The following SPATA31C2 variants were observed in gnomAD, a reference collection of about 807,000 sequenced individuals.
SPATA31C2 encodes the protein spermatogenesis-associated protein 31C2.
In SPATA31C2, 5 loss-of-function variants were observed where a neutral mutation model predicts 11.4. The ratio of observed to expected loss-of-function variants is 0.44; its 90% confidence interval spans 0.23 to 0.92. SPATA31C2 has a LOEUF of 0.92. Among genes scored for constraint, SPATA31C2 ranks in the 40% least tolerant of loss-of-function variants. SPATA31C2 has a pLI of 0.24. For missense variants in SPATA31C2, 1,353 were observed against 1,368.6 expected (o/e 0.99, Z 0.18); for synonymous variants, 515 against 538.7 (o/e 0.96, Z 0.61).
rs747838608 is a variant in SPATA31C2, at chr9:88,130,611, C to G, written c.2426G>C (p.Gly809Ala). The G allele has an allele frequency of 1.1e-5, 17 of 1,613,642 alleles. No individual in the cohort carries two copies. Among genetic ancestry groups the G allele is most frequent in the Non-Finnish European group, 1.4e-5 (17 of 1,179,776 alleles). Residue 809 changes from glycine (G) to alanine (A), a missense_variant, in exon 4 of 4, where the codon GGA (glycine) becomes GCA (alanine). Physicochemically the swap from Gly to Ala is moderately conservative, Grantham distance 60 (BLOSUM62 0). This residue lies in a region of SPATA31C2 where 1,075 missense variants were observed against 992.8 expected (regional missense o/e 1.08). Transcript: ENST00000324915. ...TTGGAGGTTTGCTCTCATACAGGTT[C>G]CCAAGGGGACTGTGGGTTGTGGCAC... is the stretch of plus-strand genomic sequence containing the variant. ...EAVPQPTVPL[G>A]TCMRANLQAT...
At chr9:88,138,215 GAA>G in intron 1 of SPATA31C2, 41 bp downstream of exon 1, 1 of 567,022 alleles carries the variant, frequency 1.8e-6, no homozygotes, top group Non-Finnish European at 2.6e-6. Flanking sequence ...TAAAAAGAAA[GAA>G]GAGAATCAAG....
At chr9:88,133,128 G>A (rs936017371) in intron 2 of SPATA31C2, 102 bp from the exon 3 acceptor site, 3 of 921,092 alleles carry the variant, frequency 3.3e-6, no homozygotes, top group East Asian at 1.0e-4. Context: ...ATTAGACCCT[G>A]GAACCCACCC....
rs1350704974 is a variant in SPATA31C2, at chr9:88,132,462, G to T, written c.575C>A (p.Pro192Gln). ...TTCTAGGAGAAGGGAAGGTTCTGGT[G>T]GCTGGGAGGCACTTAGGGAGGAGAC... ...TSVSSLSASQ[P>Q]PEPSLLLEHP... Residue 192 changes from proline (P) to glutamine (Q), a missense_variant, in exon 4 of 4, where the codon CCA (proline) becomes CAA (glutamine). By Grantham distance (76) the Pro-to-Gln change is moderately conservative. This residue lies in a region of SPATA31C2 where 1,075 missense variants were observed against 992.8 expected (regional missense o/e 1.08). Coordinates refer to ENST00000324915, the MANE Select transcript of SPATA31C2 (RefSeq NM_001350978.3). 1 of 1,611,310 alleles carries T rather than the reference G, an allele frequency of 6.2e-7. No individual in the cohort carries two copies. The highest frequency in any genetic ancestry group is 1.7e-5 in the Admixed American group (1 of 59,860).
rs868625401 is a variant in SPATA31C2, at chr9:88,135,955, A to G, written c.190-2286T>C. On this transcript the variant is annotated intron_variant, in intron 1 of 3. Coordinates refer to ENST00000324915, the MANE Select transcript of SPATA31C2 (RefSeq NM_001350978.3). ...CCTGCAGTTTTCCTTTCTTTTTGAG[A>G]TGGAGTCTCACTCTGTTGCCCAGGC... Among the ~76,000 whole-genome samples the G allele has an allele frequency of 8.6e-3, 1,166 of 136,158 alleles. 8 individuals are homozygous for G. Among genetic ancestry groups the G allele is most frequent in the Admixed American group, 0.051 (669 of 13,200 alleles). 89.3% of individuals were successfully genotyped at this position (136,158 alleles called of 152,430 possible). A position where few individuals can be genotyped will look rare whatever the true frequency, so the allele number is the denominator to read the frequency against.
At chr9:88,134,567 G>GA (rs1825654316) in intron 1 of SPATA31C2, among the ~76,000 whole-genome samples, 1 of 143,636 alleles carries the variant, frequency 7.0e-6, no homozygotes, top group Admixed American at 7.4e-5. Flanking sequence ...CAGATGGACT[G>GA]AGAGCTTGGG....
intron 1 of SPATA31C2, among the ~76,000 whole-genome samples, chr9:88,134,405 C>G (rs1037735751): frequency 2.4e-3 from 356 of 149,752 alleles, no homozygotes; most frequent in African/African-American, 8.3e-3. Context: ...GCCACCTGCC[C>G]CAGGAAGGGA....
In SPATA31C2 at chr9:88,129,790, G is replaced by A. The variant is rs761491683; in HGVS notation, c.3247C>T (p.Gln1083Ter). The A allele has an allele frequency of 2.9e-5, 46 of 1,604,168 alleles. No homozygotes were observed. Among genetic ancestry groups the A allele is most frequent in the Admixed American group, 1.2e-4 (7 of 59,568 alleles). Residue 1083 changes from glutamine (Q) to a stop codon, truncating the protein, a stop_gained, in exon 4 of 4, where the codon CAG becomes TAG. Coordinates refer to ENST00000324915, the MANE Select transcript of SPATA31C2 (RefSeq NM_001350978.3). LOFTEE classifies it low-confidence loss of function (END_TRUNC). Reference sequence around the variant, plus strand: ...CCACAGACTGGGGCTTGAAACTGCTGTCTTTGCTGATTTACCTTCGAGGCA... The same window carrying A: ...CCACAGACTGGGGCTTGAAACTGCTATCTTTGCTGATTTACCTTCGAGGCA... Reference protein sequence around the residue: ...RHASKVNQQRQQFQAPVCGFP... With the variant: ...RHASKVNQQR
Position 88,130,810 on chromosome 9 carries a change from T to C in SPATA31C2, c.2227A>G (p.Arg743Gly), listed in dbSNP as rs1825577175. The C allele has an allele frequency of 6.2e-7, 1 of 1,612,846 alleles. No homozygotes were observed. The highest frequency in any genetic ancestry group is 8.5e-7 in the Non-Finnish European group (1 of 1,179,882). ...ASSPACKQFQ[R>G]APRGIPSSND... ...GAAGATGGGATCCCTCGCGGGGCCC[T>C]CTGGAACTGCTTACATGCAGGTGAG... is the stretch of plus-strand genomic sequence containing the variant. The change falls in exon 4 of 4, where the codon AGG (arginine) becomes GGG (glycine). Residue 743 changes from arginine (R) to glycine (G), a missense_variant. Arg to Gly is a moderately radical substitution (Grantham distance 125). This residue lies in a region of SPATA31C2 where 1,075 missense variants were observed against 992.8 expected (regional missense o/e 1.08). Coordinates refer to ENST00000324915, the MANE Select transcript of SPATA31C2 (RefSeq NM_001350978.3).
rs1424563546 is a variant in SPATA31C2, at chr9:88,130,513, C to G, written c.2524G>C (p.Val842Leu). 40 of 1,613,300 alleles carry G rather than the reference C, an allele frequency of 2.5e-5. No individual in the cohort carries two copies. Among genetic ancestry groups the G allele is most frequent in the Non-Finnish European group, 3.3e-5 (39 of 1,179,616 alleles). Residue 842 changes from valine to leucine, a missense_variant, in exon 4 of 4, where the codon GTC becomes CTC. Val to Leu is a conservative substitution (Grantham distance 32). This residue lies in a region of SPATA31C2 where 1,075 missense variants were observed against 992.8 expected (regional missense o/e 1.08). Coordinates refer to ENST00000324915, the MANE Select transcript of SPATA31C2 (RefSeq NM_001350978.3). ...SKSSLLPRMS[V>L]SQDPRKLCLM... ...CACAGCTTTCTTGGGTCTTGGGAGACAGACATTCTAGGGAGTAGAGAGCTT... is the reference window on the plus strand; with the variant it reads ...CACAGCTTTCTTGGGTCTTGGGAGAGAGACATTCTAGGGAGTAGAGAGCTT...
Position 88,131,277 on chromosome 9 carries a change from G to T in SPATA31C2, c.1760C>A (p.Thr587Asn), listed in dbSNP as rs759849601. ...ACTCACGGGGATCAAGCCCTCGTTGGTCTGGCCCAACTTTCTGCTCATGTG... is the reference window on the plus strand; with the variant it reads ...ACTCACGGGGATCAAGCCCTCGTTGTTCTGGCCCAACTTTCTGCTCATGTG... ...KAHMSRKLGQ[T>N]NEGLIPVSVR... The change falls in exon 4 of 4, where the codon ACC becomes AAC. Residue 587 changes from threonine to asparagine, a missense_variant. Coordinates refer to ENST00000324915, the MANE Select transcript of SPATA31C2 (RefSeq NM_001350978.3). 1.9e-6 allele frequency: 3 copies of T among 1,611,858 alleles called. No homozygotes were observed. The highest frequency in any genetic ancestry group is 1.7e-5 in the Admixed American group (1 of 59,998).
intron 1 of SPATA31C2, among the ~76,000 whole-genome samples, chr9:88,134,246 AC>A (rs1370696666): frequency 1.4e-5 from 2 of 144,124 alleles, no homozygotes; most frequent in African/African-American, 5.0e-5. Flanking sequence ...CTCCAGGAAC[AC>A]CCAGGCTCAG....
At position 88,131,817 on chromosome 9, in the gene SPATA31C2, T is replaced by G. The variant is rs1246173191; in HGVS notation, c.1220A>C (p.Glu407Ala). The G allele has an allele frequency of 1.2e-6, 2 of 1,611,532 alleles. No homozygotes were observed. The highest frequency in any genetic ancestry group is 1.7e-6 in the Non-Finnish European group (2 of 1,179,560). Residue 407 changes from glutamate to alanine, a missense_variant, in exon 4 of 4, where the codon GAA becomes GCA. This residue lies in a region of SPATA31C2 where 1,075 missense variants were observed against 992.8 expected (regional missense o/e 1.08). Coordinates refer to ENST00000324915, the MANE Select transcript of SPATA31C2 (RefSeq NM_001350978.3). The part of the protein sequence containing the change: ...PERPLLKKQL[E>A]GGLALPSRVQ... ...CCTAGAGGGTAAAGCCAACCCACCT[T>G]CTAGTTGTTTCTTCAACAAAGGCCT...
In SPATA31C2 at chr9:88,131,697, G is replaced by T; in HGVS notation, c.1340C>A (p.Pro447His). ...TTGCTCCAGTTGTCTCCAGAGTTCAGGACTGACTGGAAAGTTCTCAGGCAG... is the reference window on the plus strand; with the variant it reads ...TTGCTCCAGTTGTCTCCAGAGTTCATGACTGACTGGAAAGTTCTCAGGCAG... ...SILPENFPVS[P>H]ELWRQLEQHM... The change falls in exon 4 of 4, where the codon CCT becomes CAT. Residue 447 changes from proline to histidine, a missense_variant. This residue lies in a region of SPATA31C2 where 1,075 missense variants were observed against 992.8 expected (regional missense o/e 1.08). Coordinates refer to ENST00000324915, the MANE Select transcript of SPATA31C2 (RefSeq NM_001350978.3). 1 of 1,611,940 alleles carries T rather than the reference G, an allele frequency of 6.2e-7. No homozygotes were observed. The highest frequency in any genetic ancestry group is 8.5e-7 in the Non-Finnish European group (1 of 1,179,834).
chr9:88,132,193 G>GTC lies in SPATA31C2; in HGVS notation c.843_844insGA (p.Gln282AspfsTer92). The GTC allele has an allele frequency of 3.1e-6, 5 of 1,610,666 alleles. No homozygotes were observed. The highest frequency in any genetic ancestry group is 4.2e-6 in the Non-Finnish European group (5 of 1,177,614). ...TGCGACCAGGAGAGGGCAGAAACTT[G>GTC]ACTGTTTGAGCCGCCAAGGCCTGAG... is the stretch of plus-strand genomic sequence containing the variant. On this transcript the variant is annotated frameshift_variant, in exon 4 of 4. Transcript: ENST00000324915. LOFTEE classifies it low-confidence loss of function (END_TRUNC).
chr9:88,137,006 A>G (rs988137297), intron 1 of SPATA31C2, among the ~76,000 whole-genome samples: 1 of 132,094 alleles, frequency 7.6e-6, no homozygotes, highest in Non-Finnish European at 1.6e-5. Context: ...TTGTCTTACT[A>G]TTTTTTAACA....
At chr9:88,133,519 T>C in intron 2 of SPATA31C2, 75 bp downstream of exon 2, 1 of 1,577,092 alleles carries the variant, frequency 6.3e-7, no homozygotes, top group Non-Finnish European at 8.6e-7. Flanking sequence ...TTTTTTCAAC[T>C]GACTTCTTCA....
At chr9:88,136,197 T>A (rs1319477912) in intron 1 of SPATA31C2, among the ~76,000 whole-genome samples, 3 of 144,076 alleles carry the variant, frequency 2.1e-5, no homozygotes, top group Non-Finnish European at 4.5e-5. Flanking sequence ...CCTCCCAAAG[T>A]GCTGGGATTA....
intron 1 of SPATA31C2, chr9:88,135,132 CG>C: frequency 1.8e-6 from 1 of 555,490 alleles, no homozygotes; most frequent in Non-Finnish European, 3.0e-6. Context: ...CCCTCCAAGC[CG>C]GGGATCCCTT....
chr9:88,132,434 A>T lies in SPATA31C2; in HGVS notation c.603T>A (p.His201Gln). Reference protein sequence around the residue: ...QPPEPSLLLEHPSPEPPALFP... With the variant: ...QPPEPSLLLEQPSPEPPALFP... Reference sequence around the variant, plus strand: ...AAAGTGCAGGTGGCTCGGGTGAGGGATGTTCTAGGAGAAGGGAAGGTTCTG... The same window carrying T: ...AAAGTGCAGGTGGCTCGGGTGAGGGTTGTTCTAGGAGAAGGGAAGGTTCTG... The change falls in exon 4 of 4, where the codon CAT becomes CAA. Residue 201 changes from histidine to glutamine, a missense_variant. Physicochemically the swap from His to Gln is conservative, Grantham distance 24. Around this residue, in one of 6 missense-constraint regions of SPATA31C2, gnomAD observed 1,075 missense variants for 992.8 expected, o/e 1.08. Coordinates refer to ENST00000324915, the MANE Select transcript of SPATA31C2 (RefSeq NM_001350978.3). 5 of 1,611,104 alleles carry T rather than the reference A, an allele frequency of 3.1e-6. No individual in the cohort carries two copies. The highest frequency in any genetic ancestry group is 4.2e-6 in the Non-Finnish European group (5 of 1,178,052).
Sources: gnomAD v4.1 joint callset for allele counts (sites outside exome capture counted in the v4.1 genomes callset) on GRCh38, gnomAD v4.1.1 for gene constraint, gnomAD v4.1.1 regional missense constraint, MANE v1.5 for transcripts, NCBI Gene and HGNC (gene_info 2026-07-23, HGNC 2026-07-21) for gene names.